The following IL15 variants were observed in gnomAD, a reference collection of about 807,000 sequenced individuals.
IL15 encodes interleukin-15.
A neutral mutation model predicts 19.6 loss-of-function variants in IL15; 11 were observed. That is an observed-to-expected ratio of 0.56 (90% CI 0.35 to 0.93). The LOEUF is 0.93. IL15 is among the 40% of genes least tolerant of loss of function. The pLI is 0.01. For synonymous variants in IL15, 58 were observed against 59.6 expected (o/e 0.97, Z 0.12); for missense variants, 197 against 186.5 (o/e 1.06, Z -0.33).
chr4:141,726,401 TA>T (rs1379811202), intron 5 of IL15, among the ~76,000 whole-genome samples: 4 of 152,094 alleles, frequency 2.6e-5, no homozygotes, highest in South Asian at 2.1e-4. Flanking sequence ...GTATACAGAA[TA>T]AAAAATAGTG....
chr4:141,654,650 A>G (rs1187780210), intron 1 of IL15, among the ~76,000 whole-genome samples: 1 of 152,208 alleles, frequency 6.6e-6, no homozygotes, highest in Non-Finnish European at 1.5e-5. Context: ...ATAGAGGCCT[A>G]TGATGTGGAT....
intron 6 of IL15, among the ~76,000 whole-genome samples, 171 bp downstream of exon 6, chr4:141,728,155 G>A (rs546163165): frequency 6.6e-6 from 1 of 152,136 alleles, no homozygotes; most frequent in South Asian, 2.1e-4. Context: ...CTTGGGGACA[G>A]ATAGCTACAT....
intron 1 of IL15, among the ~76,000 whole-genome samples, chr4:141,654,486 C>A (rs1453816221): frequency 6.6e-6 from 1 of 152,212 alleles, no homozygotes; most frequent in East Asian, 1.9e-4. Flanking sequence ...GTCACTTGGT[C>A]TCCAGGGACT....
At chr4:141,659,266 G>A (rs1727710797) in intron 2 of IL15, among the ~76,000 whole-genome samples, 1 of 151,044 alleles carries the variant, frequency 6.6e-6, no homozygotes, top group Admixed American at 6.6e-5. Flanking sequence ...GCAATGGCGT[G>A]ATCTTGGCTC....
intron 2 of IL15, among the ~76,000 whole-genome samples, chr4:141,662,508 C>A (rs1189653461): frequency 6.6e-6 from 1 of 152,172 alleles, no homozygotes; most frequent in Non-Finnish European, 1.5e-5. Flanking sequence ...TTTAATATTG[C>A]ATGATATATA....
chr4:141,689,433 C>T (rs1480690307), intron 2 of IL15, among the ~76,000 whole-genome samples: 1 of 152,124 alleles, frequency 6.6e-6, no homozygotes, highest in South Asian at 2.1e-4. Flanking sequence ...AGTGTCCACA[C>T]AAAGGTTCTC....
At chr4:141,687,526 C>T (rs1301587356) in intron 2 of IL15, among the ~76,000 whole-genome samples, 1 of 152,142 alleles carries the variant, frequency 6.6e-6, no homozygotes. Context: ...ATTACTTCCT[C>T]AATATAGGCA....
intron 6 of IL15, 138 bp from the exon 7 acceptor site, chr4:141,729,709 C>A: frequency 1.9e-6 from 1 of 536,570 alleles, no homozygotes; most frequent in Non-Finnish European, 3.2e-6. Flanking sequence ...AATTAAGCTG[C>A]CTCCTATGTA....
At chr4:141,673,911 A>G (rs1300151074) in intron 2 of IL15, among the ~76,000 whole-genome samples, 1 of 152,220 alleles carries the variant, frequency 6.6e-6, no homozygotes, top group Non-Finnish European at 1.5e-5. Flanking sequence ...GTACTTTGAT[A>G]TCTATGAATT....
chr4:141,696,055 T>G (rs1729082125), intron 2 of IL15, among the ~76,000 whole-genome samples: 1 of 152,124 alleles, frequency 6.6e-6, no homozygotes, highest in Non-Finnish European at 1.5e-5. Context: ...TTCCCCTATA[T>G]TTTCTTCTGG....
chr4:141,693,016 C>CAAAAAAAACAAAAAAAAAAAAA (rs1728968954), intron 2 of IL15, among the ~76,000 whole-genome samples: 1 of 23,232 alleles, frequency 4.3e-5, no homozygotes, highest in Non-Finnish European at 7.7e-5. Flanking sequence ...GACTCCGTCT[C>CAAAAAAAACAAAAAAAAAAAAA]AAAAAAAAAA....
At chr4:141,711,523 A>G (rs1259264751) in intron 2 of IL15, among the ~76,000 whole-genome samples, 3 of 152,070 alleles carry the variant, frequency 2.0e-5, no homozygotes, top group Non-Finnish European at 2.9e-5. Context: ...ATTATGTCAT[A>G]TGTGCTTTTT....
At chr4:141,639,134 A>C (rs1002908711) in intron 1 of IL15, among the ~76,000 whole-genome samples, 4 of 152,204 alleles carry the variant, frequency 2.6e-5, no homozygotes, top group Non-Finnish European at 5.9e-5. Context: ...GGTAGGCAAT[A>C]TATTTTACAG....
intron 2 of IL15, among the ~76,000 whole-genome samples, chr4:141,667,033 G>A (rs762577274): frequency 2.0e-5 from 3 of 152,184 alleles, no homozygotes; most frequent in Admixed American, 6.5e-5. Context: ...TGAACTTGTG[G>A]AAGCTTGCAG....
At chr4:141,681,491 T>A (rs1728530694) in intron 2 of IL15, among the ~76,000 whole-genome samples, 1 of 152,228 alleles carries the variant, frequency 6.6e-6, no homozygotes, top group Non-Finnish European at 1.5e-5. Context: ...TGTGTCTTGA[T>A]GCCTCATGAT....
chr4:141,699,398 C>T (rs1054066852), intron 2 of IL15, among the ~76,000 whole-genome samples: 3 of 152,256 alleles, frequency 2.0e-5, no homozygotes, highest in South Asian at 4.1e-4. Flanking sequence ...TTTCTAACTT[C>T]ATGATCGACC....
chr4:141,655,755 C>T (rs1406751720), intron 1 of IL15, among the ~76,000 whole-genome samples: 2 of 152,146 alleles, frequency 1.3e-5, no homozygotes, highest in Non-Finnish European at 2.9e-5. Context: ...GACTTTGCCA[C>T]TTCACTTTTA....
Position 141,695,004 on chromosome 4 carries a change from C to T in IL15, c.-99-24362C>T, listed in dbSNP as rs1284727978. Among the ~76,000 whole-genome samples the T allele has an allele frequency of 5.3e-5, 8 of 152,170 alleles. 1 individual carries two copies. The South Asian group carries it at 1.0e-3, about 20-fold the overall frequency. ...TACTATTTACTTTGGATTACTGTAG[C>T]ACCTTCCAATTTGTCTCCCTGTGCC... On this transcript the variant is annotated intron_variant, in intron 2 of 7. Transcript: ENST00000320650.
At chr4:141,663,414 C>T (rs2152163132) in intron 2 of IL15, among the ~76,000 whole-genome samples, 1 of 152,302 alleles carries the variant, frequency 6.6e-6, no homozygotes, top group South Asian at 2.1e-4. Context: ...TTTTATGTGA[C>T]ACAGAAGCCT....
Sources: gnomAD v4.1 joint callset for allele counts (sites outside exome capture counted in the v4.1 genomes callset) on GRCh38, gnomAD v4.1.1 for gene constraint, MANE v1.5 for transcripts, NCBI Gene and HGNC (gene_info 2026-07-23, HGNC 2026-07-21) for gene names.